KDM3B: variants seen among roughly 807,000 people sequenced by gnomAD.
The protein encoded by KDM3B is lysine demethylase 3B.
A neutral mutation model predicts 170.0 loss-of-function variants in KDM3B; 10 were observed. The observed-to-expected ratio is 0.06, with a 90% confidence interval of 0.04 to 0.10. The LOEUF (loss-of-function observed/expected upper bound fraction) is 0.10, where lower values mean the gene tolerates loss of function less well. Among genes scored for constraint, KDM3B ranks in the 10% least tolerant of loss-of-function variants. The pLI is 1.00. For missense variants in KDM3B, 1,394 were observed against 2,195.2 expected, an observed-to-expected ratio of 0.64 and a Z score of 7.29; for synonymous variants, 831 against 834.8, an observed-to-expected ratio of 1.00 and a Z score of 0.08.
In KDM3B at chr5:138,376,748, G is replaced by A. The variant is rs977638234; in HGVS notation, c.475-972G>A. ...AAAAAAAGGCAGAGGTGGCTTCTCCGAGGTGGCTGTTTGTGTAACTTGAGT... is the reference window on the plus strand; with the variant it reads ...AAAAAAAGGCAGAGGTGGCTTCTCCAAGGTGGCTGTTTGTGTAACTTGAGT... On this transcript the variant is annotated intron_variant, in intron 3 of 23. Coordinates refer to ENST00000314358, the MANE Select transcript of KDM3B (RefSeq NM_016604.4). 5.2e-4 allele frequency among the ~76,000 whole-genome samples: 78 copies of A among 151,276 alleles called. 1 individual carries two copies. Among genetic ancestry groups the A allele is most frequent in the African/African-American group, 1.8e-3 (74 of 41,228 alleles).
At chr5:138,369,695 A>C (rs532595657) in intron 1 of KDM3B, among the ~76,000 whole-genome samples, 1 of 152,268 alleles carries the variant, frequency 6.6e-6, no homozygotes, top group East Asian at 1.9e-4. Flanking sequence ...CTCAGCCTCT[A>C]TCAGTTCCTC....
At position 138,398,272 on chromosome 5, in the gene KDM3B, T is replaced by C; in HGVS notation, c.2926T>C (p.Ser976Pro). The change falls in exon 10 of 24, where the codon TCC (serine) becomes CCC (proline). Residue 976 changes from serine to proline, a missense_variant. Ser to Pro is a moderately conservative substitution (Grantham distance 74). Around this residue, in one of 19 missense-constraint regions of KDM3B, gnomAD observed 76 missense variants for 190.2 expected, o/e 0.40. Coordinates refer to ENST00000314358, the MANE Select transcript of KDM3B (RefSeq NM_016604.4). ...TGCCATGAACCTGTGGATTCCCTCT[T>C]CCTCCCTAGCAGAAGGGATAGATCT... ...PDAMNLWIPSSSLAEGIDLET... is the reference protein window; with the variant it reads ...PDAMNLWIPSPSLAEGIDLET... 1.2e-6 allele frequency: 2 copies of C among 1,614,006 alleles called. No individual in the cohort carries two copies. The highest frequency in any genetic ancestry group is 8.5e-7 in the Non-Finnish European group (1 of 1,179,976).
At chr5:138,393,504 C>T in intron 9 of KDM3B, 132 bp downstream of exon 9, 1 of 712,838 alleles carries the variant, frequency 1.4e-6, no homozygotes, top group Non-Finnish European at 2.4e-6. Context: ...CTCTCAGCGT[C>T]TGTGAAGAGG....
intron 6 of KDM3B, among the ~76,000 whole-genome samples, chr5:138,384,740 CAAAAAAAAA>C (rs58389517): frequency 2.2e-4 from 19 of 85,930 alleles, no homozygotes; most frequent in African/African-American, 4.6e-4. Context: ...ACTCTTGTCT[CAAAAAAAAA>C]AAAAAAAAAA....
Position 138,392,134 on chromosome 5 carries a change from G to A in KDM3B, c.2502G>A (p.Leu834=). 6.3e-7 allele frequency: 1 copy of A among 1,593,192 alleles called. No homozygotes were observed. The highest frequency in any genetic ancestry group is 1.1e-5 in the South Asian group (1 of 90,280). The change falls in exon 8 of 24, where the codon CTG becomes CTA. Residue 834 remains leucine (L), a synonymous_variant. Coordinates refer to ENST00000314358, the MANE Select transcript of KDM3B (RefSeq NM_016604.4). ...SEEQLQAKTG[L]KGIPEHLMGK... The stretch of plus-strand genomic sequence containing the variant: ...AGCAGCTGCAGGCTAAGACAGGCCT[G>A]AAGGGAATTCCAGAGCACCTGATGG...
intron 1 of KDM3B, among the ~76,000 whole-genome samples, chr5:138,360,572 CTTTTTTTTT>C (rs61340392): frequency 9.8e-6 from 1 of 102,038 alleles, no homozygotes; most frequent in South Asian, 3.5e-4. Context: ...AGTTCTATTT[CTTTTTTTTT>C]TTTTTTTTTT....
intron 2 of KDM3B, chr5:138,374,375 C>T (rs988154996): frequency 5.2e-6 from 2 of 388,096 alleles, no homozygotes; most frequent in South Asian, 3.6e-5. Flanking sequence ...TCTCCTGCCT[C>T]AGCCTCCCGA....
chr5:138,352,875 C>A lies in KDM3B; in HGVS notation c.80C>A (p.Ser27Ter). The change falls in exon 1 of 24, where the codon TCG becomes TAG. Residue 27 changes from serine (S) to a stop codon, truncating the protein, a stop_gained. Coordinates refer to ENST00000314358, the MANE Select transcript of KDM3B (RefSeq NM_016604.4). LOFTEE classifies it high-confidence loss of function. Reference protein sequence around the residue: ...FADTAASASASAPAAAAASGD... With the variant: ...FADTAASASA Reference sequence around the variant, plus strand: ...GACACTGCGGCCTCAGCCTCGGCCTCGGCTCCCGCGGCGGCAGCGGCGAGC... The same window carrying A: ...GACACTGCGGCCTCAGCCTCGGCCTAGGCTCCCGCGGCGGCAGCGGCGAGC... 7.3e-7 allele frequency: 1 copy of A among 1,376,580 alleles called. No homozygotes were observed. Among genetic ancestry groups the A allele is most frequent in the Non-Finnish European group, 9.4e-7 (1 of 1,061,952 alleles). The allele number at this position is 1,376,580 out of a possible 1,614,324, so 85.3% of individuals were successfully genotyped here. A position where few individuals can be genotyped will look rare whatever the true frequency, so the allele number is the denominator to read the frequency against.
At chr5:138,410,936 CG>C (rs1437944665) in intron 11 of KDM3B, among the ~76,000 whole-genome samples, 1 of 152,188 alleles carries the variant, frequency 6.6e-6, no homozygotes, top group Non-Finnish European at 1.5e-5. Flanking sequence ...AACATGAAGG[CG>C]GACTAGGAGT....
At chr5:138,417,435 A>ATTTT in intron 12 of KDM3B, 48 bp from the exon 13 acceptor site, 1 of 1,577,754 alleles carries the variant, frequency 6.3e-7, no homozygotes, top group Non-Finnish European at 8.7e-7. Context: ...AATATGTGGC[A>ATTTT]TATATGAGTA....
chr5:138,394,074 GT>G (rs1036688530), intron 9 of KDM3B, among the ~76,000 whole-genome samples: 2 of 152,112 alleles, frequency 1.3e-5, no homozygotes, highest in Admixed American at 6.6e-5. Context: ...CCCTCAGAAG[GT>G]TTGGGGAGGC....
At chr5:138,422,844 A>T (rs1013429617) in intron 15 of KDM3B, among the ~76,000 whole-genome samples, 2 of 152,218 alleles carry the variant, frequency 1.3e-5, no homozygotes, top group Admixed American at 1.3e-4. Context: ...ATACATAAAT[A>T]CATTTCTTCT....
At chr5:138,403,720 T>C (rs949827833) in intron 11 of KDM3B, among the ~76,000 whole-genome samples, 1 of 149,134 alleles carries the variant, frequency 6.7e-6, no homozygotes, top group Non-Finnish European at 1.5e-5. Flanking sequence ...AAGCCAGGTA[T>C]GATGGCTCAC....
At chr5:138,416,249 A>G (rs1189492151) in intron 12 of KDM3B, among the ~76,000 whole-genome samples, 1 of 152,066 alleles carries the variant, frequency 6.6e-6, no homozygotes, top group Non-Finnish European at 1.5e-5. Context: ...TCCATTGAAG[A>G]TGATGACTCT....
chr5:138,380,860 G>T (rs1232452369), intron 5 of KDM3B, among the ~76,000 whole-genome samples: 2 of 151,208 alleles, frequency 1.3e-5, no homozygotes, highest in African/African-American at 2.4e-5. Flanking sequence ...ACCATGCCCA[G>T]CCTGGAGTGA....
chr5:138,357,735 T>A (rs542510055), intron 1 of KDM3B, among the ~76,000 whole-genome samples: 37 of 152,300 alleles, frequency 2.4e-4, no homozygotes, highest in Admixed American at 7.8e-4. Flanking sequence ...TTATTTATTT[T>A]TTTTGAGACG....
rs1040263604 is a variant in KDM3B at position 138,429,705 on chromosome 5, C to A, written c.4754-121C>A. On this transcript the variant is annotated intron_variant, in intron 20 of 23. Coordinates refer to ENST00000314358, the MANE Select transcript of KDM3B (RefSeq NM_016604.4). ...GACCAGTATCAATTTTCTGATTCTG[C>A]CTTACATTATTCCAGAGATGGAGAA... 22 of 1,079,728 alleles carry A rather than the reference C, an allele frequency of 2.0e-5. No homozygotes were observed. The African/African-American group carries it at 3.5e-4, about 17-fold the overall frequency. The allele number at this position is 1,079,728 out of a possible 1,614,324, so 66.9% of individuals were successfully genotyped here. A position where few individuals can be genotyped will look rare whatever the true frequency, so the allele number is the denominator to read the frequency against.
intron 21 of KDM3B, 104 bp from the exon 22 acceptor site, chr5:138,430,145 G>A: frequency 7.1e-7 from 1 of 1,406,026 alleles, no homozygotes. Context: ...CTAGAATAAA[G>A]TTTTGCCATC....
rs1762126866 is a variant in KDM3B at position 138,381,588 on chromosome 5, G to A, written c.778G>A (p.Glu260Lys). The change falls in exon 6 of 24, where the codon GAG becomes AAG. Residue 260 changes from glutamate (E) to lysine (K), a missense_variant and splice_region_variant. By Grantham distance (56) the Glu-to-Lys change is moderately conservative. This residue lies in a region of KDM3B where 166 missense variants were observed against 216.4 expected (regional missense o/e 0.77). Coordinates refer to ENST00000314358, the MANE Select transcript of KDM3B (RefSeq NM_016604.4). ...MLMDNSAPQS[E>K]GGTLKAVKSS... ...GATGGATAATTCAGCGCCTCAAAGC[G>A]AGGTACAGTAATGGACTGCATTCCT... 6 of 1,586,560 alleles carry A rather than the reference G, an allele frequency of 3.8e-6. No individual in the cohort carries two copies. The highest frequency in any genetic ancestry group is 2.7e-5 in the African/African-American group (2 of 74,544).
Sources: allele counts gnomAD v4.1 joint callset (sites outside exome capture counted in the v4.1 genomes callset), GRCh38; gene constraint gnomAD v4.1.1; regional missense constraint gnomAD v4.1.1; transcripts MANE v1.5; gene names NCBI Gene and HGNC (gene_info 2026-07-23, HGNC 2026-07-21).